OAS2: variants seen among roughly 807,000 people sequenced by gnomAD.
The protein encoded by OAS2 is 2'-5'-oligoadenylate synthetase 2, also known as 2'-5'-oligoadenylate synthase 2.
A neutral mutation model predicts 71.3 loss-of-function variants in OAS2; 67 were observed. That is an observed-to-expected ratio of 0.94 (90% CI 0.77 to 1.15). OAS2 has a LOEUF of 1.15. OAS2 is among the 50% of genes most tolerant of loss of function. OAS2 has a pLI of 0.00. For missense variants in OAS2, 789 were observed against 822.5 expected (o/e 0.96, Z 0.50); for synonymous variants, 327 against 321.8 (o/e 1.02, Z -0.17).
At chr12:113,000,439 C>T (rs75890717) in intron 5 of OAS2, among the ~76,000 whole-genome samples, 11,357 of 152,136 alleles carry the variant, frequency 0.075, 493 homozygotes, top group Middle Eastern at 0.12. Context: ...GCCCAGGAAC[C>T]ACTGCATAAG....
At chr12:112,986,386 G>A (rs2044135752) in intron 1 of OAS2, among the ~76,000 whole-genome samples, 1 of 152,174 alleles carries the variant, frequency 6.6e-6, no homozygotes, top group African/African-American at 2.4e-5. Context: ...GCCCCCAGGT[G>A]GCTTGTTTGG....
chr12:112,983,624 G>C (rs114448466), intron 1 of OAS2, among the ~76,000 whole-genome samples: 2,553 of 152,200 alleles, frequency 0.017, 75 homozygotes, highest in African/African-American at 0.058. Flanking sequence ...AAACTTTGCT[G>C]TATCCCTTAG....
intron 2 of OAS2, among the ~76,000 whole-genome samples, chr12:112,993,785 CT>C (rs1391401128): frequency 6.6e-6 from 1 of 151,968 alleles, no homozygotes; most frequent in Admixed American, 6.6e-5. Flanking sequence ...AGGAGGATCA[CT>C]TGAGCCTTGA....
intron 5 of OAS2, among the ~76,000 whole-genome samples, chr12:113,001,556 CT>C (rs2044291339): frequency 6.7e-6 from 1 of 149,216 alleles, no homozygotes; most frequent in Admixed American, 6.7e-5. Context: ...GCTTCCTCAC[CT>C]TTTCAAGCTC....
chr12:112,998,965 T>A (rs896456191), intron 5 of OAS2, among the ~76,000 whole-genome samples: 2 of 152,068 alleles, frequency 1.3e-5, no homozygotes, highest in African/African-American at 4.8e-5. Context: ...TCACACACCA[T>A]CAGGGCAATG....
intron 1 of OAS2, among the ~76,000 whole-genome samples, chr12:112,979,631 A>C (rs2044061251): frequency 6.6e-6 from 1 of 151,822 alleles, no homozygotes; most frequent in East Asian, 1.9e-4. Context: ...TTTTTTCCTC[A>C]TGGAAGTAAA....
Position 113,005,163 on chromosome 12 carries a change from A to T in OAS2, c.1409A>T (p.Lys470Ile), listed in dbSNP as rs763843498. 6.2e-7 allele frequency: 1 copy of T among 1,614,116 alleles called. No individual in the cohort carries two copies. Among genetic ancestry groups the T allele is most frequent in the Admixed American group, 1.7e-5 (1 of 60,014 alleles). ...KAPRVLSFSL[K>I]SKVLNESVSF... ...CCCAGGGTGCTGAGCTTCTCTCTGA[A>T]ATCCAAAGTCCTCAACGAAAGTGTC... Residue 470 changes from lysine to isoleucine, a missense_variant, in exon 7 of 10, where the codon AAA becomes ATA. By Grantham distance (102) the Lys-to-Ile change is moderately radical (BLOSUM62 -3). Transcript: ENST00000392583.
At position 112,987,150 on chromosome 12, in the gene OAS2, T is replaced by A. The variant is rs769785543; in HGVS notation, c.290T>A (p.Ile97Asn). 6.2e-7 allele frequency: 1 copy of A among 1,614,170 alleles called. No individual in the cohort carries two copies. The highest frequency in any genetic ancestry group is 8.5e-7 in the Non-Finnish European group (1 of 1,180,020). ...GATCAGAAGAGAAGCCAACGTGACA[T>A]CCTCGATAAAACTGGGGATAAGCTG... ...FQDQKRSQRD[I>N]LDKTGDKLKF... The change falls in exon 2 of 10, where the codon ATC (isoleucine) becomes AAC (asparagine). Residue 97 changes from isoleucine (I) to asparagine (N), a missense_variant. By Grantham distance (149) the Ile-to-Asn change is moderately radical (BLOSUM62 -3). Coordinates refer to ENST00000392583, the MANE Select transcript of OAS2 (RefSeq NM_002535.3).
intron 1 of OAS2, among the ~76,000 whole-genome samples, chr12:112,984,295 G>T (rs939265111): frequency 4.6e-5 from 7 of 152,006 alleles, no homozygotes; most frequent in African/African-American, 1.7e-4. Flanking sequence ...TGGCTGAATT[G>T]ATCTCTTGAT....
At chr12:113,000,711 GCA>G (rs201700338) in intron 5 of OAS2, among the ~76,000 whole-genome samples, 2 of 148,508 alleles carry the variant, frequency 1.3e-5, no homozygotes, top group African/African-American at 5.0e-5. Flanking sequence ...TGCACACCAT[GCA>G]CACACATGCA....
rs765228186 is a variant in OAS2 at position 112,998,405 on chromosome 12, G to A, written c.1003G>A (p.Val335Ile). ...TGAGTTACCTGCACCATCTTGGAAT[G>A]TTCTGGTAAGAGGGTTTTCCAAATA... ...DNELPAPSWN[V>I]LPAPLFTTPG... The change falls in exon 5 of 10, where the codon GTT becomes ATT. Residue 335 changes from valine to isoleucine, a missense_variant. Physicochemically the swap from Val to Ile is conservative, Grantham distance 29 (BLOSUM62 3). Coordinates refer to ENST00000392583, the MANE Select transcript of OAS2 (RefSeq NM_002535.3). 1 of 1,609,372 alleles carries A rather than the reference G, an allele frequency of 6.2e-7. No homozygotes were observed. The highest frequency in any genetic ancestry group is 8.5e-7 in the Non-Finnish European group (1 of 1,178,744).
rs767182458 is a variant in OAS2 at position 113,005,139 on chromosome 12, C to T, written c.1385C>T (p.Pro462Leu). 1.2e-6 allele frequency: 2 copies of T among 1,614,066 alleles called. No individual in the cohort carries two copies. Among genetic ancestry groups the T allele is most frequent in the South Asian group, 2.2e-5 (2 of 91,076 alleles). The change falls in exon 7 of 10, where the codon CCC becomes CTC. Residue 462 changes from proline to leucine, a missense_variant. By Grantham distance (98) the Pro-to-Leu change is moderately conservative (BLOSUM62 -3). Coordinates refer to ENST00000392583, the MANE Select transcript of OAS2 (RefSeq NM_002535.3). ...VSFEPPKWKA[P>L]RVLSFSLKSK... ...TTTGAGCCTCCCAAGTGGAAGGCTCCCAGGGTGCTGAGCTTCTCTCTGAAA... is the reference window on the plus strand; with the variant it reads ...TTTGAGCCTCCCAAGTGGAAGGCTCTCAGGGTGCTGAGCTTCTCTCTGAAA...
Position 113,009,258 on chromosome 12 carries a change from G to T in OAS2, c.*3G>T. On this transcript the variant is annotated 3_prime_UTR_variant, in exon 10 of 10. Coordinates refer to ENST00000392583, the MANE Select transcript of OAS2 (RefSeq NM_002535.3). ...AAGTGCCGGTAAAAGTCATCTAAAG[G>T]AGGCGTTGTCTGGAAATAGCCCTGT... is the stretch of plus-strand genomic sequence containing the variant. The T allele has an allele frequency of 6.2e-7, 1 of 1,613,588 alleles. No homozygotes were observed. The highest frequency in any genetic ancestry group is 8.5e-7 in the Non-Finnish European group (1 of 1,179,720).
At chr12:112,993,604 G>A (rs2044209918) in intron 2 of OAS2, among the ~76,000 whole-genome samples, 1 of 151,714 alleles carries the variant, frequency 6.6e-6, no homozygotes, top group South Asian at 2.1e-4. Flanking sequence ...TTATGGGCCA[G>A]GGAGCTGGCT....
In OAS2 at chr12:113,010,682, T is replaced by A; in HGVS notation, c.*1427T>A. 6.3e-6 allele frequency: 4 copies of A among 639,108 alleles called. No homozygotes were observed. The highest frequency in any genetic ancestry group is 9.3e-6 in the Non-Finnish European group (4 of 429,982). 39.6% of individuals were successfully genotyped at this position (639,108 alleles called of 1,614,324 possible). A position where few individuals can be genotyped will look rare whatever the true frequency, so the allele number is the denominator to read the frequency against. On this transcript the variant is annotated 3_prime_UTR_variant, in exon 10 of 10. Transcript: ENST00000392583. ...GCAGGCAGCCTGCCTTTAAAAATAG[T>A]TGCTGTCATCCACTTTATGTGCATC...
intron 3 of OAS2, 97 bp downstream of exon 3, chr12:112,995,571 C>A: frequency 1.7e-6 from 2 of 1,166,164 alleles, no homozygotes; most frequent in Non-Finnish European, 2.4e-6. Flanking sequence ...GTATACAGCT[C>A]AACGCATTTT....
chr12:112,986,215 A>C (rs1315280274), intron 1 of OAS2, among the ~76,000 whole-genome samples: 1 of 152,210 alleles, frequency 6.6e-6, no homozygotes, highest in African/African-American at 2.4e-5. Flanking sequence ...TTCAAGCACC[A>C]GTGGTGACAG....
At chr12:112,994,515 G>A (rs950179641) in intron 2 of OAS2, among the ~76,000 whole-genome samples, 4 of 152,094 alleles carry the variant, frequency 2.6e-5, no homozygotes, top group African/African-American at 7.2e-5. Flanking sequence ...TCCACCTCTC[G>A]GGGTCAAGGA....
In OAS2 at chr12:113,011,200, A is replaced by G. The variant is rs562531424; in HGVS notation, c.*1945A>G. ...TGTTGCATATACCAGTTGTGATACA[A>G]TAAAGAATGTATCTGGATTTTGTGC... On this transcript the variant is annotated 3_prime_UTR_variant, in exon 10 of 10. Coordinates refer to ENST00000392583, the MANE Select transcript of OAS2 (RefSeq NM_002535.3). 1 of 152,354 alleles carries G rather than the reference A, an allele frequency of 6.6e-6. No individual in the cohort carries two copies. Among genetic ancestry groups the G allele is most frequent in the African/African-American group, 2.4e-5 (1 of 41,582 alleles). The allele number at this position is 152,354 out of a possible 1,614,324, so 9.4% of individuals were successfully genotyped here.
Sources: allele counts gnomAD v4.1 joint callset (sites outside exome capture counted in the v4.1 genomes callset), GRCh38; gene constraint gnomAD v4.1.1; transcripts MANE v1.5; gene names NCBI Gene and HGNC (gene_info 2026-07-23, HGNC 2026-07-21).